Variants in CD52 observed in about 807,000 individuals in gnomAD.
CD52 encodes CAMPATH-1 antigen.
CD52 carries 2 observed loss-of-function variants against 2.5 expected under a neutral mutation model. The ratio of observed to expected loss-of-function variants is 0.79; its 90% CI spans 0.32 to 2.48. CD52 has a LOEUF of 2.48. Among genes scored for constraint, CD52 ranks in the 30% most tolerant of loss-of-function variants. The pLI, the probability that CD52 is intolerant of heterozygous loss-of-function variation, is 0.11. For missense variants in CD52, 62 were observed against 75.8 expected (o/e 0.82, Z 0.68); for synonymous variants, 24 against 27.7 (o/e 0.87, Z 0.42).
Position 26,317,973 on chromosome 1 carries a change from C to T in CD52, c.-45C>T. ...AGAAGCCTCCAGACAGCCCTGAGATCACCTAAAAAGCTGCTACCAAGACAG... is the reference window on the plus strand; with the variant it reads ...AGAAGCCTCCAGACAGCCCTGAGATTACCTAAAAAGCTGCTACCAAGACAG... On this transcript the variant is annotated 5_prime_UTR_variant, in exon 1 of 2. Transcript: ENST00000374213. 3.2e-6 allele frequency: 5 copies of T among 1,579,308 alleles called. No individual in the cohort carries two copies. The highest frequency in any genetic ancestry group is 4.4e-6 in the Non-Finnish European group (5 of 1,148,350).
intron 1 of CD52, among the ~76,000 whole-genome samples, chr1:26,319,207 C>T (rs1214054184): frequency 1.3e-5 from 2 of 151,264 alleles, no homozygotes; most frequent in Admixed American, 6.6e-5. Context: ...AATCCCAGCA[C>T]TTTGGGAGGC....
intron 1 of CD52, 26 bp from the exon 2 acceptor site, chr1:26,320,145 A>G (rs2073839162): frequency 6.3e-7 from 1 of 1,595,344 alleles, no homozygotes; most frequent in African/African-American, 1.4e-5. Flanking sequence ...AAGTCCCCTG[A>G]TCTTATCCCA....
At position 26,318,765 on chromosome 1, in the gene CD52, A is replaced by AT. The variant is rs1290857094; in HGVS notation, c.54+696dup. Reference sequence around the variant, plus strand: ...AGTTCTAGTTGCAGCTCCATCAAGCATTAAGGACAGCTCGATCACCATCTG... The same window carrying AT: ...AGTTCTAGTTGCAGCTCCATCAAGCATTTAAGGACAGCTCGATCACCATCTG... On this transcript the variant is annotated intron_variant, in intron 1 of 1. Coordinates refer to ENST00000374213, the MANE Select transcript of CD52 (RefSeq NM_001803.3). 4 of 152,746 alleles carry AT rather than the reference A, an allele frequency of 2.6e-5. No homozygotes were observed. In the East Asian group the frequency reaches 7.7e-4, roughly 29 times the overall value. 9.5% of individuals were successfully genotyped at this position (152,746 alleles called of 1,614,324 possible).
At chr1:26,318,286 GAAACCTGTATCCAC>G in intron 1 of CD52, 1 of 561,222 alleles carries the variant, frequency 1.8e-6, no homozygotes, top group African/African-American at 1.9e-5. Context: ...TGCCCTGAGA[GAAACCTGTATCCAC>G]AGCTGGGGAG....
chr1:26,320,451 A>G lies in CD52; in HGVS notation c.*149A>G. ...GGCAGTGCCATGGGGGCAACAGCCA[A>G]AATAGGGGGGTAATGATGTAGGGGC... On this transcript the variant is annotated 3_prime_UTR_variant, in exon 2 of 2. Transcript: ENST00000374213. The G allele has an allele frequency of 1.0e-6, 1 of 1,000,008 alleles. No individual in the cohort carries two copies. Among genetic ancestry groups the G allele is most frequent in the East Asian group, 2.5e-5 (1 of 40,010 alleles). 61.9% of individuals were successfully genotyped at this position (1,000,008 alleles called of 1,614,324 possible). A position where few individuals can be genotyped will look rare whatever the true frequency, so the allele number is the denominator to read the frequency against.
rs372393073 is a variant in CD52, at chr1:26,318,077, A to G, written c.54+6A>G. 1.8e-4 allele frequency: 295 copies of G among 1,613,702 alleles called. No homozygotes were observed. Among genetic ancestry groups the G allele is most frequent in the Non-Finnish European group, 2.4e-4 (289 of 1,179,696 alleles). ...GCCTCCTGGTTATGGTACAGGTAAG[A>G]GCAACGCCTGGCACCACTGCCAGGA... On this transcript the variant is annotated splice_donor_region_variant and intron_variant, in intron 1 of 1. Coordinates refer to ENST00000374213, the MANE Select transcript of CD52 (RefSeq NM_001803.3).
intron 1 of CD52, among the ~76,000 whole-genome samples, chr1:26,319,766 G>A (rs370075275): frequency 3.3e-5 from 5 of 152,020 alleles, no homozygotes; most frequent in East Asian, 1.9e-4. Flanking sequence ...GGAGGTGGGC[G>A]GATGGAGGGC....
Position 26,320,389 on chromosome 1 carries a change from G to A in CD52, c.*87G>A, listed in dbSNP as rs1055275162. ...AGAATCCCCTCCATCTTTGGGAGGG[G>A]TTGATGCCAGACATCACCAGGTTGT... On this transcript the variant is annotated 3_prime_UTR_variant, in exon 2 of 2. Coordinates refer to ENST00000374213, the MANE Select transcript of CD52 (RefSeq NM_001803.3). The A allele has an allele frequency of 1.8e-5, 27 of 1,497,278 alleles. No homozygotes were observed. In the Admixed American group the frequency reaches 3.9e-4, roughly 22 times the overall value. The allele number at this position is 1,497,278 out of a possible 1,614,324, so 92.7% of individuals were successfully genotyped here.
chr1:26,320,299 T>C lies in CD52; in HGVS notation c.183T>C (p.Ser61=), dbSNP rs775574862. 1.2e-6 allele frequency: 2 copies of C among 1,611,692 alleles called. No homozygotes were observed. Among genetic ancestry groups the C allele is most frequent in the African/African-American group, 1.3e-5 (1 of 74,718 alleles). The change falls in exon 2 of 2, where the codon AGT becomes AGC. Residue 61 remains serine (S), a synonymous_variant. Transcript: ENST00000374213. ...ANAIIHLFCF[S] The stretch of plus-strand genomic sequence containing the variant: ...CCATAATCCACCTCTTCTGCTTCAG[T>C]TGAGGTGACACGTCTCAGCCTTAGC...
At chr1:26,318,198 A>G in intron 1 of CD52, 127 bp downstream of exon 1, 1 of 807,520 alleles carries the variant, frequency 1.2e-6, no homozygotes, top group Non-Finnish European at 2.1e-6. Context: ...ATGGACTCCA[A>G]CAGGAAAACT....
chr1:26,318,110 A>G (rs765019431), intron 1 of CD52, 39 bp downstream of exon 1: 57 of 1,576,920 alleles, frequency 3.6e-5, no homozygotes, highest in Non-Finnish European at 4.8e-5. Flanking sequence ...GGACTCCCCA[A>G]AGTTGCTTGG....
At chr1:26,319,777 G>A (rs190996402) in intron 1 of CD52, among the ~76,000 whole-genome samples, 11 of 152,102 alleles carry the variant, frequency 7.2e-5, no homozygotes, top group African/African-American at 2.2e-4. Flanking sequence ...GATGGAGGGC[G>A]GGGAGGGTAG....
At position 26,320,319 on chromosome 1, in the gene CD52, C is replaced by T. The variant is rs751083627; in HGVS notation, c.*17C>T. On this transcript the variant is annotated 3_prime_UTR_variant, in exon 2 of 2. Transcript: ENST00000374213. ...TTCAGTTGAGGTGACACGTCTCAGC[C>T]TTAGCCCTGTGCCCCCTGAAACAGC... is the stretch of plus-strand genomic sequence containing the variant. 3.8e-6 allele frequency: 6 copies of T among 1,599,174 alleles called. No individual in the cohort carries two copies. Among genetic ancestry groups the T allele is most frequent in the South Asian group, 1.1e-5 (1 of 88,912 alleles).
chr1:26,318,159 C>A, intron 1 of CD52, 88 bp downstream of exon 1: 1 of 1,120,608 alleles, frequency 8.9e-7, no homozygotes, highest in Non-Finnish European at 1.4e-6. Context: ...CTCCCAGAGA[C>A]CCAGCCTTCT....
Position 26,320,407 on chromosome 1 carries a change from C to A in CD52, c.*105C>A. 6.9e-7 allele frequency: 1 copy of A among 1,444,960 alleles called. No homozygotes were observed. Among genetic ancestry groups the A allele is most frequent in the Non-Finnish European group, 9.3e-7 (1 of 1,079,166 alleles). 89.5% of individuals were successfully genotyped at this position (1,444,960 alleles called of 1,614,324 possible). ...GGGAGGGGTTGATGCCAGACATCAC[C>A]AGGTTGTAGAAGTTGACAGGCAGTG... On this transcript the variant is annotated 3_prime_UTR_variant, in exon 2 of 2. Coordinates refer to ENST00000374213, the MANE Select transcript of CD52 (RefSeq NM_001803.3).
intron 1 of CD52, 50 bp from the exon 2 acceptor site, chr1:26,320,121 A>G: frequency 2.4e-5 from 4 of 167,448 alleles, no homozygotes; most frequent in Non-Finnish European, 2.4e-5. Context: ...CTCCACCTCT[A>G]AAAAAAAAAA....
chr1:26,320,407 C>T lies in CD52; in HGVS notation c.*105C>T. ...GGGAGGGGTTGATGCCAGACATCAC[C>T]AGGTTGTAGAAGTTGACAGGCAGTG... On this transcript the variant is annotated 3_prime_UTR_variant, in exon 2 of 2. Transcript: ENST00000374213. The T allele has an allele frequency of 1.4e-6, 2 of 1,444,960 alleles. No homozygotes were observed. Among genetic ancestry groups the T allele is most frequent in the Non-Finnish European group, 1.9e-6 (2 of 1,079,166 alleles). 89.5% of individuals were successfully genotyped at this position (1,444,960 alleles called of 1,614,324 possible). A position where few individuals can be genotyped will look rare whatever the true frequency, so the allele number is the denominator to read the frequency against.
chr1:26,320,404 C>T lies in CD52; in HGVS notation c.*102C>T. On this transcript the variant is annotated 3_prime_UTR_variant, in exon 2 of 2. Transcript: ENST00000374213. ...TTTGGGAGGGGTTGATGCCAGACAT[C>T]ACCAGGTTGTAGAAGTTGACAGGCA... is the stretch of plus-strand genomic sequence containing the variant. 2 of 1,453,052 alleles carry T rather than the reference C, an allele frequency of 1.4e-6. No individual in the cohort carries two copies. Among genetic ancestry groups the T allele is most frequent in the Non-Finnish European group, 9.2e-7 (1 of 1,085,538 alleles). 90.0% of individuals were successfully genotyped at this position (1,453,052 alleles called of 1,614,324 possible). A position where few individuals can be genotyped will look rare whatever the true frequency, so the allele number is the denominator to read the frequency against.
chr1:26,320,502 T>C lies in CD52; in HGVS notation c.*200T>C, dbSNP rs2073842982. On this transcript the variant is annotated 3_prime_UTR_variant, in exon 2 of 2. Transcript: ENST00000374213. Reference sequence around the variant, plus strand: ...CAAGCAGTGCCCAGCTGGGGGTCAATAAAGTTACCCTTGTACTTGCAGTGG... The same window carrying C: ...CAAGCAGTGCCCAGCTGGGGGTCAACAAAGTTACCCTTGTACTTGCAGTGG... 1.2e-5 allele frequency: 7 copies of C among 606,218 alleles called. No homozygotes were observed. In the South Asian group the frequency reaches 1.5e-4, roughly 13 times the overall value. The allele number at this position is 606,218 out of a possible 1,614,324, so 37.6% of individuals were successfully genotyped here.
Sources: gnomAD v4.1 joint callset for allele counts (sites outside exome capture counted in the v4.1 genomes callset) on GRCh38, gnomAD v4.1.1 for gene constraint, MANE v1.5 for transcripts, NCBI Gene and HGNC (gene_info 2026-07-23, HGNC 2026-07-21) for gene names.